PCGF6: variants seen among roughly 807,000 people sequenced by gnomAD.
PCGF6 encodes the protein polycomb group ring finger 6, also known as polycomb group RING finger protein 6.
PCGF6 carries 24 observed loss-of-function variants against 45.5 expected under a neutral mutation model. The observed-to-expected ratio is 0.53, with a 90% CI of 0.38 to 0.74. The LOEUF (loss-of-function observed/expected upper bound fraction) is 0.74. Ranked by LOEUF, PCGF6 falls within the 30% of genes least tolerant of loss-of-function variation. PCGF6 has a pLI of 0.00. For missense variants in PCGF6, 356 were observed against 443.2 expected (o/e 0.80, Z 1.77); for synonymous variants, 152 against 162.1 (o/e 0.94, Z 0.47).
intron 6 of PCGF6, among the ~76,000 whole-genome samples, chr10:103,335,382 G>C (rs1270417852): frequency 3.8e-5 from 5 of 131,350 alleles, no homozygotes; most frequent in Non-Finnish European, 8.1e-5. Flanking sequence ...TTTTTTTTTT[G>C]AGACAGAGTC....
At chr10:103,342,697 C>T (rs886179640) in intron 6 of PCGF6, among the ~76,000 whole-genome samples, 4 of 152,182 alleles carry the variant, frequency 2.6e-5, no homozygotes, top group African/African-American at 9.7e-5. Flanking sequence ...ATCTTGGAGA[C>T]TATTCCACAT....
In PCGF6 at chr10:103,347,456, A is replaced by G. The variant is rs2093303648; in HGVS notation, c.558-6T>C. On this transcript the variant is annotated splice_polypyrimidine_tract_variant and splice_region_variant and intron_variant, in intron 3 of 9. Transcript: ENST00000369847. Reference sequence around the variant, plus strand: ...CTTGTAACTGTCGGTCCAACCTAATAAAAGGAAAGGATGGAGAATACCTCA... The same window carrying G: ...CTTGTAACTGTCGGTCCAACCTAATGAAAGGAAAGGATGGAGAATACCTCA... 6.3e-7 allele frequency: 1 copy of G among 1,598,722 alleles called. No homozygotes were observed. Among genetic ancestry groups the G allele is most frequent in the Non-Finnish European group, 8.6e-7 (1 of 1,168,198 alleles).
At chr10:103,340,898 T>G (rs2093278193) in intron 6 of PCGF6, among the ~76,000 whole-genome samples, 1 of 152,188 alleles carries the variant, frequency 6.6e-6, no homozygotes, top group Non-Finnish European at 1.5e-5. Flanking sequence ...CCACCATGCC[T>G]GACCCTCAAA....
At chr10:103,326,497 A>AC (rs1300048827) in intron 8 of PCGF6, 37 bp downstream of exon 8, 9 of 1,375,978 alleles carry the variant, frequency 6.5e-6, no homozygotes, top group Non-Finnish European at 9.0e-6. Context: ...AGGTAAGCTC[A>AC]CAACTTTACC....
chr10:103,327,009 G>A (rs146608563), intron 7 of PCGF6, among the ~76,000 whole-genome samples: 3 of 152,220 alleles, frequency 2.0e-5, no homozygotes, highest in East Asian at 1.9e-4. Flanking sequence ...CTTTGAGGCC[G>A]GGCATGGTGG....
intron 8 of PCGF6, among the ~76,000 whole-genome samples, chr10:103,316,131 C>G (rs1480166803): frequency 6.6e-6 from 1 of 151,938 alleles, no homozygotes; most frequent in Non-Finnish European, 1.5e-5. Flanking sequence ...CAGAATGTCA[C>G]CTCTGCTTCC....
chr10:103,333,869 G>A (rs868309406), intron 7 of PCGF6, 56 bp downstream of exon 7: 7 of 1,365,244 alleles, frequency 5.1e-6, no homozygotes, highest in Non-Finnish European at 6.0e-6. Flanking sequence ...AATCTGACTC[G>A]AATTTGTGTG....
chr10:103,344,275 T>A (rs1259942718), intron 6 of PCGF6, among the ~76,000 whole-genome samples: 1 of 133,142 alleles, frequency 7.5e-6, no homozygotes, highest in Admixed American at 7.0e-5. Flanking sequence ...GACAAACACT[T>A]TTTTTTTTTT....
chr10:103,331,804 CTTTT>C, intron 7 of PCGF6, among the ~76,000 whole-genome samples: 1 of 151,706 alleles, frequency 6.6e-6, no homozygotes, highest in East Asian at 2.0e-4. Flanking sequence ...CTCTCTCTCT[CTTTT>C]TTGAGACAGA....
At position 103,347,220 on chromosome 10, in the gene PCGF6, G is replaced by A. The variant is rs758078202; in HGVS notation, c.673+18C>T. 1.5e-5 allele frequency: 23 copies of A among 1,569,636 alleles called. No homozygotes were observed. Among genetic ancestry groups the A allele is most frequent in the Non-Finnish European group, 1.7e-5 (19 of 1,141,686 alleles). On this transcript the variant is annotated intron_variant, in intron 5 of 9. Coordinates refer to ENST00000369847, the MANE Select transcript of PCGF6 (RefSeq NM_001011663.2). ...TTCTTTAATCTGTAAGTACATTATA[G>A]TATACACCCAAACTTACCAGGTTTA... is the stretch of plus-strand genomic sequence containing the variant.
intron 5 of PCGF6, among the ~76,000 whole-genome samples, chr10:103,345,971 T>C (rs2093297452): frequency 6.6e-6 from 1 of 151,596 alleles, no homozygotes; most frequent in Non-Finnish European, 1.5e-5. Context: ...GGTGGGTGGA[T>C]CACTTCAGGT....
chr10:103,315,889 T>C (rs2093173321), intron 8 of PCGF6, among the ~76,000 whole-genome samples: 2 of 152,100 alleles, frequency 1.3e-5, no homozygotes. Context: ...CTTGCTAAGA[T>C]AGAAATGCAA....
intron 1 of PCGF6, among the ~76,000 whole-genome samples, chr10:103,349,938 C>T (rs560761743): frequency 3.3e-5 from 5 of 151,746 alleles, no homozygotes; most frequent in East Asian, 2.0e-4. Context: ...AAAAATAAGC[C>T]GGGCGTGGTG....
intron 9 of PCGF6, 64 bp from the exon 10 acceptor site, chr10:103,304,025 G>C (rs1023883772): frequency 2.1e-5 from 28 of 1,355,700 alleles, no homozygotes; most frequent in African/African-American, 4.4e-5. Flanking sequence ...AAATGATCAA[G>C]TCAAAGCTGG....
At chr10:103,314,954 TAAAAAAAAAAAAAAA>T (rs60182387) in intron 8 of PCGF6, among the ~76,000 whole-genome samples, 2 of 57,180 alleles carry the variant, frequency 3.5e-5, no homozygotes, top group African/African-American at 8.1e-5. Context: ...GACTCTGTCA[TAAAAAAAAAAAAAAA>T]AAAAAAAAAA....
In PCGF6 at chr10:103,347,197, C is replaced by A. The variant is rs753193198; in HGVS notation, c.673+41G>T. On this transcript the variant is annotated intron_variant, in intron 5 of 9. Transcript: ENST00000369847. Reference sequence around the variant, plus strand: ...GGGCATATATTTTATTGTTAGTATTCTTTAATCTGTAAGTACATTATAGTA... The same window carrying A: ...GGGCATATATTTTATTGTTAGTATTATTTAATCTGTAAGTACATTATAGTA... The A allele has an allele frequency of 2.7e-6, 4 of 1,461,968 alleles. No homozygotes were observed. The African/African-American group carries it at 4.2e-5, about 15-fold the overall frequency. The allele number at this position is 1,461,968 out of a possible 1,614,324, so 90.6% of individuals were successfully genotyped here.
At chr10:103,320,260 A>C (rs748879817) in intron 8 of PCGF6, among the ~76,000 whole-genome samples, 17 of 152,202 alleles carry the variant, frequency 1.1e-4, no homozygotes, top group Non-Finnish European at 2.2e-4. Flanking sequence ...AAAGCAAAAT[A>C]CAATAAGACA....
intron 7 of PCGF6, among the ~76,000 whole-genome samples, chr10:103,331,015 T>C (rs2093238327): frequency 6.6e-6 from 1 of 152,190 alleles, no homozygotes; most frequent in Non-Finnish European, 1.5e-5. Context: ...CTAATCTGCT[T>C]TCTGCTCCTG....
intron 9 of PCGF6, among the ~76,000 whole-genome samples, chr10:103,310,204 G>A (rs1160131357): frequency 4.0e-5 from 6 of 150,984 alleles, no homozygotes; most frequent in Non-Finnish European, 7.4e-5. Flanking sequence ...CCCCCACCTC[G>A]GCCTCTCAAA....
Sources: gnomAD v4.1 joint callset for allele counts (sites outside exome capture counted in the v4.1 genomes callset) on GRCh38, gnomAD v4.1.1 for gene constraint, MANE v1.5 for transcripts, NCBI Gene and HGNC (gene_info 2026-07-23, HGNC 2026-07-21) for gene names.